TESK2: variants seen among roughly 807,000 people sequenced by gnomAD.
The protein encoded by TESK2 is dual specificity testis-specific protein kinase 2.
In TESK2, 39 loss-of-function variants were observed where a neutral mutation model predicts 57.1. That is an observed-to-expected ratio of 0.68 (90% CI 0.53 to 0.89). The LOEUF is 0.89. Ranked by LOEUF, TESK2 falls within the 40% of genes least tolerant of loss-of-function variation. The probability of loss-of-function intolerance (pLI) is 0.00; values close to 1 mark genes in which losing one functional copy is unlikely to be tolerated. For synonymous variants in TESK2, 249 were observed against 267.9 expected, an observed-to-expected ratio of 0.93 and a Z score of 0.69; for missense variants, 646 against 732.1, an observed-to-expected ratio of 0.88 and a Z score of 1.36.
chr1:45,431,527 AC>A (rs1022167723), intron 2 of TESK2, among the ~76,000 whole-genome samples: 1 of 152,188 alleles, frequency 6.6e-6, no homozygotes, highest in African/African-American at 2.4e-5. Context: ...ATAGCCTGGA[AC>A]AAAGACATGA....
intron 2 of TESK2, among the ~76,000 whole-genome samples, chr1:45,446,549 T>G (rs1045491149): frequency 2.0e-5 from 3 of 151,820 alleles, no homozygotes; most frequent in Non-Finnish European, 2.9e-5. Flanking sequence ...TAGGAAAAAC[T>G]GAGATAAGAA....
chr1:45,429,654 T>C (rs1650868250), intron 2 of TESK2, among the ~76,000 whole-genome samples: 1 of 152,152 alleles, frequency 6.6e-6, no homozygotes, highest in Non-Finnish European at 1.5e-5. Context: ...AAAACGGAGT[T>C]ACCCGTGCTA....
chr1:45,431,835 C>G (rs1487875474), intron 2 of TESK2, among the ~76,000 whole-genome samples: 1 of 152,124 alleles, frequency 6.6e-6, no homozygotes, highest in Non-Finnish European at 1.5e-5. Flanking sequence ...GGAATAAGAG[C>G]ATGGGATATT....
chr1:45,345,977 G>A lies in TESK2; in HGVS notation c.897C>T (p.Arg299=), dbSNP rs769467396. ...TCTTCCCAATCTCCACAAAAGATGGGCGCAGTTTGGGATCCATCTGTAGGT... is the reference window on the plus strand; with the variant it reads ...TCTTCCCAATCTCCACAAAAGATGGACGCAGTTTGGGATCCATCTGTAGGT... ...FNCCNMDPKL[R]PSFVEIGKTL... The change falls in exon 10 of 11, where the codon CGC becomes CGT. Residue 299 remains arginine (R), a synonymous_variant. Transcript: ENST00000372086. 1 of 1,614,036 alleles carries A rather than the reference G, an allele frequency of 6.2e-7. No homozygotes were observed. The highest frequency in any genetic ancestry group is 1.7e-5 in the Admixed American group (1 of 60,018).
At position 45,483,257 on chromosome 1, in the gene TESK2, G is replaced by A. The variant is rs187260547; in HGVS notation, c.-87+7595C>T. On this transcript the variant is annotated intron_variant, in intron 1 of 10. Transcript: ENST00000372086. ...GATCACACCACTGCACTCCAGCCTG[G>A]ACAATAGAGAGAGACTTCGTCTCAA... 2.7e-5 allele frequency among the ~76,000 whole-genome samples: 4 copies of A among 149,206 alleles called. No individual in the cohort carries two copies. The East Asian group carries it at 6.0e-4, about 22-fold the overall frequency.
At chr1:45,449,221 C>CAA (rs568238822) in intron 2 of TESK2, among the ~76,000 whole-genome samples, 2 of 56,852 alleles carry the variant, frequency 3.5e-5, no homozygotes, top group African/African-American at 1.3e-4. Flanking sequence ...GACTCTGTCT[C>CAA]AAAAAAAAAA....
intron 2 of TESK2, among the ~76,000 whole-genome samples, chr1:45,432,758 C>CTTTTT (rs1300292630): frequency 3.4e-5 from 3 of 87,666 alleles, no homozygotes; most frequent in African/African-American, 4.5e-5. Context: ...AATATTATAA[C>CTTTTT]TTTTTTTTTT....
At chr1:45,433,932 C>T (rs1010801771) in intron 2 of TESK2, among the ~76,000 whole-genome samples, 1 of 151,950 alleles carries the variant, frequency 6.6e-6, no homozygotes, top group African/African-American at 2.4e-5. Flanking sequence ...TACGCTGTAT[C>T]TTCATCAGAT....
At position 45,423,388 on chromosome 1, in the gene TESK2, T is replaced by C. The variant is rs917143302; in HGVS notation, c.223-1542A>G. ...CTGGCTAACATGGTGAAATCCCGTC[T>C]CTACTAAAAACACAAAAAATTAGCT... On this transcript the variant is annotated intron_variant, in intron 2 of 10. Coordinates refer to ENST00000372086, the MANE Select transcript of TESK2 (RefSeq NM_007170.3). Among the ~76,000 whole-genome samples, 14 of 151,940 alleles carry C rather than the reference T, an allele frequency of 9.2e-5. No individual in the cohort carries two copies. The East Asian group carries it at 9.8e-4, about 11-fold the overall frequency.
intron 1 of TESK2, among the ~76,000 whole-genome samples, chr1:45,471,839 A>C (rs1208888480): frequency 1.3e-5 from 2 of 152,172 alleles, no homozygotes; most frequent in Non-Finnish European, 2.9e-5. Flanking sequence ...GCTGGACTTT[A>C]CAGGCATGAT....
chr1:45,457,222 T>C (rs1281149733), intron 2 of TESK2, among the ~76,000 whole-genome samples: 1 of 152,178 alleles, frequency 6.6e-6, no homozygotes, highest in South Asian at 2.1e-4. Context: ...TATATGTATA[T>C]GCACAGAAAG....
At chr1:45,388,820 A>C (rs1649016484) in intron 3 of TESK2, among the ~76,000 whole-genome samples, 2 of 142,794 alleles carry the variant, frequency 1.4e-5, no homozygotes, top group African/African-American at 5.3e-5. Flanking sequence ...TCCCTGGTTC[A>C]CGCCATTCTC....
rs189324968 is a variant in TESK2 at position 45,377,835 on chromosome 1, G to A, written c.393+8077C>T. On this transcript the variant is annotated intron_variant, in intron 4 of 10. Transcript: ENST00000372086. Reference sequence around the variant, plus strand: ...GAGGTCAGGAGTTTGAGACCAGCATGGCCAACATGGTGAAAACATGTCTCT... The same window carrying A: ...GAGGTCAGGAGTTTGAGACCAGCATAGCCAACATGGTGAAAACATGTCTCT... 9.2e-4 allele frequency among the ~76,000 whole-genome samples: 140 copies of A among 151,476 alleles called. 1 individual carries two copies. The East Asian group carries it at 0.027, about 29-fold the overall frequency.
chr1:45,385,969 CAAGACAG>C lies in TESK2; in HGVS notation c.345-16_345-10del, dbSNP rs1212664951. The C allele has an allele frequency of 6.3e-7, 1 of 1,597,522 alleles. No individual in the cohort carries two copies. The highest frequency in any genetic ancestry group is 1.7e-4 in the Middle Eastern group (1 of 6,012). ...CACATACACCCATGAACCTAAAGAA[CAAGACAG>C]AATTATTTAACAAGTGAAAAGGACA... On this transcript the variant is annotated splice_polypyrimidine_tract_variant and intron_variant, in intron 3 of 10. Coordinates refer to ENST00000372086, the MANE Select transcript of TESK2 (RefSeq NM_007170.3).
intron 1 of TESK2, among the ~76,000 whole-genome samples, chr1:45,460,941 G>A (rs1232152017): frequency 1.3e-5 from 2 of 152,110 alleles, no homozygotes; most frequent in Non-Finnish European, 2.9e-5. Context: ...AAAAGCCAAG[G>A]GTAGTGTATT....
chr1:45,454,205 T>C (rs1005596334), intron 2 of TESK2, among the ~76,000 whole-genome samples: 4 of 152,132 alleles, frequency 2.6e-5, no homozygotes, highest in Admixed American at 6.5e-5. Context: ...ATATCTAGGG[T>C]AGTCAAACTC....
intron 4 of TESK2, among the ~76,000 whole-genome samples, chr1:45,367,379 G>A (rs1040114427): frequency 6.6e-6 from 1 of 151,628 alleles, no homozygotes; most frequent in Non-Finnish European, 1.5e-5. Context: ...CTAGAAACTG[G>A]GCATCATTTG....
rs569992838 is a variant in TESK2, at chr1:45,491,110, C to T, written c.-345G>A. Reference sequence around the variant, plus strand: ...GGCGGGGCCAGGAGGACGATCCGACCAGCGAAGCCAACAGGGCAGCTGGTA... The same window carrying T: ...GGCGGGGCCAGGAGGACGATCCGACTAGCGAAGCCAACAGGGCAGCTGGTA... On this transcript the variant is annotated 5_prime_UTR_variant, in exon 1 of 11. Transcript: ENST00000372086. 2 of 152,258 alleles carry T rather than the reference C, an allele frequency of 1.3e-5. No homozygotes were observed. Among genetic ancestry groups the T allele is most frequent in the African/African-American group, 4.8e-5 (2 of 41,464 alleles). The allele number at this position is 152,258 out of a possible 1,614,324, so 9.4% of individuals were successfully genotyped here. A position where few individuals can be genotyped will look rare whatever the true frequency, so the allele number is the denominator to read the frequency against.
intron 1 of TESK2, among the ~76,000 whole-genome samples, chr1:45,475,512 G>A (rs1293490472): frequency 6.6e-6 from 1 of 152,080 alleles, no homozygotes; most frequent in African/African-American, 2.4e-5. Flanking sequence ...ACCCGGCCAA[G>A]AGAATATTTT....
Sources: allele counts gnomAD v4.1 joint callset (sites outside exome capture counted in the v4.1 genomes callset), GRCh38; gene constraint gnomAD v4.1.1; transcripts MANE v1.5; gene names NCBI Gene and HGNC (gene_info 2026-07-23, HGNC 2026-07-21).